Variants in SPDYA observed in about 807,000 individuals in gnomAD.
SPDYA encodes the protein speedy/RINGO cell cycle regulator family member A, also known as speedy protein A.
Under a neutral mutation model 36.7 loss-of-function variants are expected in SPDYA, and 11 were observed. The ratio of observed to expected loss-of-function variants is 0.30; its 90% CI spans 0.19 to 0.50. The LOEUF is 0.50. Among genes scored for constraint, SPDYA ranks in the 20% least tolerant of loss-of-function variants. The pLI, the probability that SPDYA is intolerant of heterozygous loss-of-function variation, is 0.98. For synonymous variants in SPDYA, 115 were observed against 118.7 expected (o/e 0.97, Z 0.20); for missense variants, 287 against 370.9 (o/e 0.77, Z 1.86).
At chr2:28,816,283 A>G in intron 3 of SPDYA, 34 bp downstream of exon 3, 4 of 1,415,302 alleles carry the variant, frequency 2.8e-6, no homozygotes, top group Non-Finnish European at 3.9e-6. Flanking sequence ...TGGTAATTAT[A>G]AAGTACTAAA....
rs184644014 is a variant in SPDYA, at chr2:28,813,847, C to T, written c.-92-766C>T. 1.3e-3 allele frequency among the ~76,000 whole-genome samples: 205 copies of T among 152,170 alleles called. 1 individual carries two copies. The highest frequency in any genetic ancestry group is 2.3e-3 in the Non-Finnish European group (159 of 68,002). On this transcript the variant is annotated intron_variant, in intron 1 of 7. Coordinates refer to ENST00000334056, the MANE Select transcript of SPDYA (RefSeq NM_182756.4). ...GATTACAGGCATGAGCCACTGCGCCCGGCTCTTCTATCTAGATTTAAGGCT... is the reference window on the plus strand; with the variant it reads ...GATTACAGGCATGAGCCACTGCGCCTGGCTCTTCTATCTAGATTTAAGGCT...
At chr2:28,835,105 G>A (rs1353024143) in intron 6 of SPDYA, among the ~76,000 whole-genome samples, 1 of 152,090 alleles carries the variant, frequency 6.6e-6, no homozygotes, top group African/African-American at 2.4e-5. Flanking sequence ...CTGTTACCCA[G>A]GCTGCCAGCT....
chr2:28,819,849 A>AATATATATAT (rs200009876), intron 4 of SPDYA, among the ~76,000 whole-genome samples: 9 of 17,806 alleles, frequency 5.1e-4, no homozygotes, highest in African/African-American at 1.3e-3. Context: ...AAAAAAAAAA[A>AATATATATAT]ATATATATAT....
rs944869047 is a variant in SPDYA, at chr2:28,850,264, A to G, written c.*323A>G. 6.2e-7 allele frequency: 1 copy of G among 1,608,942 alleles called. No individual in the cohort carries two copies. On this transcript the variant is annotated 3_prime_UTR_variant, in exon 8 of 8. Coordinates refer to ENST00000334056, the MANE Select transcript of SPDYA (RefSeq NM_182756.4). ...AAAGCTAATTTAAGAGAAGAAAAAC[A>G]TAAAGTCATTATATTAATTAAAAGA...
intron 6 of SPDYA, among the ~76,000 whole-genome samples, chr2:28,832,431 A>G (rs547978192): frequency 3.3e-5 from 5 of 152,218 alleles, no homozygotes; most frequent in South Asian, 2.1e-4. Flanking sequence ...TCTCCTTTCT[A>G]TTGGTATTAA....
At position 28,829,283 on chromosome 2, in the gene SPDYA, C is replaced by A. The variant is rs1668413700; in HGVS notation, c.516C>A (p.Asp172Glu). 1 of 1,613,640 alleles carries A rather than the reference C, an allele frequency of 6.2e-7. No individual in the cohort carries two copies. Residue 172 changes from aspartate (D) to glutamate (E), a missense_variant, in exon 6 of 8, where the codon GAC becomes GAA. Asp to Glu is a conservative substitution (Grantham distance 45, BLOSUM62 2). Coordinates refer to ENST00000334056, the MANE Select transcript of SPDYA (RefSeq NM_182756.4). ...KLRDQLWDRI[D>E]YRAIVSRRCC... ...GGGACCAGCTCTGGGATAGAATTGA[C>A]TATAGGGCTATTGTAAGCAGGCGAT...
chr2:28,833,933 A>T (rs112823657), intron 6 of SPDYA, among the ~76,000 whole-genome samples: 3 of 152,270 alleles, frequency 2.0e-5, no homozygotes, highest in African/African-American at 7.2e-5. Context: ...AAATGAAAAA[A>T]ATTTTTTGCA....
At chr2:28,823,729 AT>A (rs1668234250) in intron 5 of SPDYA, among the ~76,000 whole-genome samples, 1 of 108,240 alleles carries the variant, frequency 9.2e-6, no homozygotes, top group African/African-American at 3.2e-5. Flanking sequence ...ATATATATAT[AT>A]ATATATATAT....
At chr2:28,823,715 ATATATATATATATATATATATATATATAT>A (rs1223170717) in intron 5 of SPDYA, among the ~76,000 whole-genome samples, 1 of 75,946 alleles carries the variant, frequency 1.3e-5, no homozygotes, top group Non-Finnish European at 2.6e-5. Flanking sequence ...ATATATATAT[ATATATATATATATATATATATATATATAT>A]AAAATTTTTT....
intron 6 of SPDYA, among the ~76,000 whole-genome samples, chr2:28,839,761 C>T (rs1412810160): frequency 6.6e-6 from 1 of 152,190 alleles, no homozygotes; most frequent in Non-Finnish European, 1.5e-5. Flanking sequence ...ATCGGCCTCC[C>T]AAAATGCTGG....
intron 7 of SPDYA, among the ~76,000 whole-genome samples, chr2:28,848,740 T>C (rs915068940): frequency 1.3e-5 from 2 of 152,178 alleles, no homozygotes; most frequent in African/African-American, 4.8e-5. Flanking sequence ...AAGGCATTAC[T>C]ATTTTACAGC....
intron 5 of SPDYA, among the ~76,000 whole-genome samples, chr2:28,822,661 G>A (rs1357080962): frequency 2.6e-5 from 4 of 152,018 alleles, no homozygotes. Flanking sequence ...AGGCTGGAGT[G>A]CAGTGGCACA....
At chr2:28,835,190 G>A (rs1444662517) in intron 6 of SPDYA, among the ~76,000 whole-genome samples, 1 of 150,276 alleles carries the variant, frequency 6.7e-6, no homozygotes, top group Non-Finnish European at 1.5e-5. Context: ...GCCTCCCAAA[G>A]TTCTGGGATT....
intron 7 of SPDYA, chr2:28,840,735 AT>A (rs556504351): frequency 1.7e-6 from 2 of 1,142,958 alleles, no homozygotes; most frequent in East Asian, 4.7e-5. Flanking sequence ...AGCCTGAATC[AT>A]TTTTTTGAAA....
intron 1 of SPDYA, among the ~76,000 whole-genome samples, chr2:28,813,014 A>G (rs1667891666): frequency 6.6e-6 from 1 of 152,062 alleles, no homozygotes; most frequent in African/African-American, 2.4e-5. Context: ...AAGAACTCTC[A>G]TTCTCTTAGT....
intron 6 of SPDYA, among the ~76,000 whole-genome samples, chr2:28,834,233 G>A (rs1207313428): frequency 6.6e-6 from 1 of 152,080 alleles, no homozygotes; most frequent in Non-Finnish European, 1.5e-5. Flanking sequence ...GTATTGAAGA[G>A]GATGTGGAGA....
rs973803270 is a variant in SPDYA, at chr2:28,850,055, T to C, written c.*114T>C. ...TTTTGCTATGTTATACATCTTTTAGTTGTTATTTTCAAAATTATATGTATA... is the reference window on the plus strand; with the variant it reads ...TTTTGCTATGTTATACATCTTTTAGCTGTTATTTTCAAAATTATATGTATA... On this transcript the variant is annotated 3_prime_UTR_variant, in exon 8 of 8. Transcript: ENST00000334056. The C allele has an allele frequency of 6.0e-6, 7 of 1,162,556 alleles. No individual in the cohort carries two copies. The African/African-American group carries it at 7.9e-5, about 13-fold the overall frequency. The allele number at this position is 1,162,556 out of a possible 1,614,324, so 72.0% of individuals were successfully genotyped here.
At chr2:28,825,571 T>G (rs1447768361) in intron 5 of SPDYA, among the ~76,000 whole-genome samples, 1 of 152,208 alleles carries the variant, frequency 6.6e-6, no homozygotes, top group African/African-American at 2.4e-5. Context: ...AATGTTTCCT[T>G]TCTATGTATT....
chr2:28,837,125 C>G (rs1239829646), intron 6 of SPDYA, among the ~76,000 whole-genome samples: 1 of 152,126 alleles, frequency 6.6e-6, no homozygotes, highest in Non-Finnish European at 1.5e-5. Context: ...AATCCAATGA[C>G]AGTATGCAAA....
Sources: gnomAD v4.1 joint callset for allele counts (sites outside exome capture counted in the v4.1 genomes callset) on GRCh38, gnomAD v4.1.1 for gene constraint, MANE v1.5 for transcripts, NCBI Gene and HGNC (gene_info 2026-07-23, HGNC 2026-07-21) for gene names.